Variants in ALOX15B observed in about 807,000 individuals in gnomAD.
The protein encoded by ALOX15B is arachidonate 15-lipoxygenase type B, also known as polyunsaturated fatty acid lipoxygenase ALOX15B.
Under a neutral mutation model 73.8 loss-of-function variants are expected in ALOX15B, and 74 were observed. The observed-to-expected ratio is 1.00, with a 90% CI of 0.83 to 1.22. The LOEUF is 1.22. ALOX15B is among the 50% of genes most tolerant of loss of function. The pLI, the probability that ALOX15B is intolerant of heterozygous loss-of-function variation, is 0.00. For synonymous variants in ALOX15B, 353 were observed against 357.2 expected (o/e 0.99, Z 0.13); for missense variants, 896 against 859.9 (o/e 1.04, Z -0.52).
chr17:8,048,050 A>C (rs1598167870), intron 13 of ALOX15B, 135 bp downstream of exon 13: 30 of 1,083,530 alleles, frequency 2.8e-5, no homozygotes, highest in Non-Finnish European at 3.4e-5. Context: ...AGTGGGACAC[A>C]TGAGCCTTGG....
In ALOX15B at chr17:8,044,409, G is replaced by A. The variant is rs568153582; in HGVS notation, c.677-420G>A. ...TGGACTCCAGCCTGGGCAACACAGC[G>A]ACACAGCCTGTCTCAAAAAAAAAAA... On this transcript the variant is annotated intron_variant, in intron 5 of 13. Coordinates refer to ENST00000380183, the MANE Select transcript of ALOX15B (RefSeq NM_001141.3). Among the ~76,000 whole-genome samples the A allele has an allele frequency of 1.3e-4, 18 of 137,268 alleles. No individual in the cohort carries two copies. The South Asian group carries it at 1.4e-3, about 10-fold the overall frequency. 90.1% of individuals were successfully genotyped at this position (137,268 alleles called of 152,430 possible).
chr17:8,039,877 C>T, intron 2 of ALOX15B, 25 bp from the exon 3 acceptor site: 2 of 1,599,796 alleles, frequency 1.3e-6, no homozygotes, highest in Non-Finnish European at 1.7e-6. Flanking sequence ...TCTCCCCACC[C>T]CAACCTACTC....
chr17:8,047,544 C>A lies in ALOX15B; in HGVS notation c.1580-20C>A. ...CCTCAGGTCCCTGGAAGCCCCATCCCAGCCCAGCTCTCCTTGCAGGTATAC... is the reference window on the plus strand; with the variant it reads ...CCTCAGGTCCCTGGAAGCCCCATCCAAGCCCAGCTCTCCTTGCAGGTATAC... On this transcript the variant is annotated intron_variant, in intron 11 of 13. Transcript: ENST00000380183. 1 of 1,584,246 alleles carries A rather than the reference C, an allele frequency of 6.3e-7. No homozygotes were observed. Among genetic ancestry groups the A allele is most frequent in the Non-Finnish European group, 8.6e-7 (1 of 1,164,496 alleles).
Position 8,039,589 on chromosome 17 carries a change from G to C in ALOX15B, c.351G>C (p.Val117=). 5 of 1,527,558 alleles carry C rather than the reference G, an allele frequency of 3.3e-6. No homozygotes were observed. Among genetic ancestry groups the C allele is most frequent in the Non-Finnish European group, 3.5e-6 (4 of 1,141,444 alleles). The allele number at this position is 1,527,558 out of a possible 1,614,324, so 94.6% of individuals were successfully genotyped here. Reference sequence around the variant, plus strand: ...GGCTGGAGGGGGCGGGGACCCTGGTGCTGCAGGAGGGTACAGGTGAGGGGC... The same window carrying C: ...GGCTGGAGGGGGCGGGGACCCTGGTCCTGCAGGAGGGTACAGGTGAGGGGC... ...YQWLEGAGTL[V]LQEGTAKVSW... is the part of the protein sequence containing the mutation. Residue 117 remains valine, a synonymous_variant, in exon 2 of 14, where the codon GTG becomes GTC. Transcript: ENST00000380183.
chr17:8,041,780 A>G (rs922550582), intron 3 of ALOX15B, among the ~76,000 whole-genome samples: 8 of 152,204 alleles, frequency 5.3e-5, no homozygotes, highest in African/African-American at 1.7e-4. Context: ...CCCCTAAACT[A>G]TGAAGGCTGA....
chr17:8,044,765 T>TTC, intron 5 of ALOX15B, 64 bp from the exon 6 acceptor site: 1 of 803,180 alleles, frequency 1.2e-6, no homozygotes, highest in South Asian at 1.7e-5. Flanking sequence ...CGTCCCCGTG[T>TTC]CCCCCACCCC....
rs764388527 is a variant in ALOX15B at position 8,045,578 on chromosome 17, G to A, written c.1092G>A (p.Glu364=). The stretch of plus-strand genomic sequence containing the variant: ...CCAAGACCTGGGTGCGCAATGCCGA[G>A]TTCTCCTTCCATGAGGCCCTCACGC... ...LLAKTWVRNA[E]FSFHEALTHL... Residue 364 remains glutamate (E), a synonymous_variant, in exon 8 of 14, where the codon GAG becomes GAA. Transcript: ENST00000380183. The A allele has an allele frequency of 6.8e-6, 11 of 1,614,062 alleles. 1 individual carries two copies. In the East Asian group the frequency reaches 1.3e-4, roughly 20 times the overall value.
At chr17:8,044,155 A>AAGGAAG (rs1976540367) in intron 5 of ALOX15B, among the ~76,000 whole-genome samples, 8 of 52,330 alleles carry the variant, frequency 1.5e-4, no homozygotes, top group East Asian at 8.8e-4. Context: ...AAGGAAGGAA[A>AAGGAAG]GAAAGAAAAG....
chr17:8,046,534 CT>C (rs1459594209), intron 8 of ALOX15B, 133 bp from the exon 9 acceptor site: 2 of 875,978 alleles, frequency 2.3e-6, no homozygotes, highest in Non-Finnish European at 3.6e-6. Context: ...GCTCAGACCC[CT>C]GTCCCAGGCT....
intron 6 of ALOX15B, 44 bp from the exon 7 acceptor site, chr17:8,045,194 T>C: frequency 6.2e-7 from 1 of 1,613,044 alleles, no homozygotes; most frequent in Non-Finnish European, 8.5e-7. Flanking sequence ...ACCCCCTTCA[T>C]TTAGAAAACC....
At chr17:8,044,118 A>AGGAT (rs1976535758) in intron 5 of ALOX15B, among the ~76,000 whole-genome samples, 1 of 127,222 alleles carries the variant, frequency 7.9e-6, no homozygotes, top group Non-Finnish European at 1.7e-5. Flanking sequence ...GAAGGAAGGA[A>AGGAT]GGAAGGAAGG....
rs200952059 is a variant in ALOX15B, at chr17:8,039,479, C to T, written c.241C>T (p.Pro81Ser). Residue 81 changes from proline (P) to serine (S), a missense_variant, in exon 2 of 14, where the codon CCC becomes TCC. Transcript: ENST00000380183. The part of the protein sequence containing the change: ...KAPPVLPLLG[P>S]LAPDAWFCRW... ...GCCCCCAGTGCTGCCCCTGCTGGGG[C>T]CCCTGGCCCCGGATGCCTGGTTCTG... 1,849 of 1,591,024 alleles carry T rather than the reference C, an allele frequency of 1.2e-3. 16 individuals are homozygous for T. In the East Asian group the frequency reaches 0.02, roughly 17 times the overall value.
chr17:8,044,895 C>T lies in ALOX15B; in HGVS notation c.743C>T (p.Pro248Leu), dbSNP rs749744179. 11 of 1,614,112 alleles carry T rather than the reference C, an allele frequency of 6.8e-6. No homozygotes were observed. In the South Asian group the frequency reaches 1.2e-4, roughly 18 times the overall value. ...FASQFLNGLN[P>L]VLIRRCHYLP... Reference sequence around the variant, plus strand: ...TCCCAGTTCCTGAATGGTCTCAACCCTGTCCTGATCCGCCGCTGTCACTAC... The same window carrying T: ...TCCCAGTTCCTGAATGGTCTCAACCTTGTCCTGATCCGCCGCTGTCACTAC... Residue 248 changes from proline (P) to leucine (L), a missense_variant, in exon 6 of 14, where the codon CCT becomes CTT. Coordinates refer to ENST00000380183, the MANE Select transcript of ALOX15B (RefSeq NM_001141.3).
intron 4 of ALOX15B, 77 bp downstream of exon 4, chr17:8,042,568 T>A: frequency 1.3e-6 from 2 of 1,563,330 alleles, no homozygotes; most frequent in East Asian, 2.2e-5. Context: ...CCCTAGTCAG[T>A]TCCCCCACCC....
At chr17:8,043,699 A>G (rs1567971002) in intron 5 of ALOX15B, among the ~76,000 whole-genome samples, 1 of 152,066 alleles carries the variant, frequency 6.6e-6, no homozygotes, top group Non-Finnish European at 1.5e-5. Flanking sequence ...TGCAATGGAG[A>G]GGATGGGTGG....
chr17:8,042,493 T>C lies in ALOX15B; in HGVS notation c.572+2T>C, dbSNP rs1388074301. The C allele has an allele frequency of 6.2e-7, 1 of 1,612,986 alleles. No individual in the cohort carries two copies. Among genetic ancestry groups the C allele is most frequent in the Non-Finnish European group, 8.5e-7 (1 of 1,179,772 alleles). On this transcript the variant is annotated splice_donor_variant, in intron 4 of 13. Transcript: ENST00000380183. LOFTEE classifies it high-confidence loss of function. ...CTTTTATCTACAGGCTGGCTCTGCG[T>C]GAGGATGCCCACCCTTCCCTGCCCC...
chr17:8,039,070 C>G lies in ALOX15B; in HGVS notation c.-86C>G, dbSNP rs1454799945. ...CTGGGCTTGGAGTCAGTGGCAATAA[C>G]CAGGGGCAATAACCAGGCGTGTCCC... On this transcript the variant is annotated 5_prime_UTR_variant, in exon 1 of 14. Coordinates refer to ENST00000380183, the MANE Select transcript of ALOX15B (RefSeq NM_001141.3). 1.5e-6 allele frequency: 2 copies of G among 1,295,202 alleles called. No homozygotes were observed. Among genetic ancestry groups the G allele is most frequent in the Non-Finnish European group, 2.0e-6 (2 of 994,064 alleles). The allele number at this position is 1,295,202 out of a possible 1,614,324, so 80.2% of individuals were successfully genotyped here. A position where few individuals can be genotyped will look rare whatever the true frequency, so the allele number is the denominator to read the frequency against.
intron 8 of ALOX15B, 32 bp from the exon 9 acceptor site, chr17:8,046,636 T>G (rs1567972688): frequency 6.2e-7 from 1 of 1,603,072 alleles, no homozygotes; most frequent in South Asian, 1.1e-5. Flanking sequence ...AACCCAGGCC[T>G]CCCCTAGCTC....
At position 8,045,667 on chromosome 17, in the gene ALOX15B, A is replaced by C. The variant is rs764621485; in HGVS notation, c.1181A>C (p.His394Pro). Reference protein sequence around the residue: ...FTLATLRQLPHCHPLFKLLIP... With the variant: ...FTLATLRQLPPCHPLFKLLIP... ...CTGGCTACCCTGCGTCAGCTGCCCC[A>C]CTGCCACCCTCTCTTCAAGGTCAGT... The change falls in exon 8 of 14, where the codon CAC becomes CCC. Residue 394 changes from histidine (H) to proline (P), a missense_variant. By Grantham distance (77) the His-to-Pro change is moderately conservative. Coordinates refer to ENST00000380183, the MANE Select transcript of ALOX15B (RefSeq NM_001141.3). 6.2e-7 allele frequency: 1 copy of C among 1,613,872 alleles called. No individual in the cohort carries two copies. The highest frequency in any genetic ancestry group is 8.5e-7 in the Non-Finnish European group (1 of 1,180,000).
Sources: allele counts gnomAD v4.1 joint callset (sites outside exome capture counted in the v4.1 genomes callset), GRCh38; gene constraint gnomAD v4.1.1; transcripts MANE v1.5; gene names NCBI Gene and HGNC (gene_info 2026-07-23, HGNC 2026-07-21).